The following SLFN13 variants were observed in gnomAD, a reference collection of about 807,000 sequenced individuals.
SLFN13 encodes the protein schlafen-13.
In SLFN13, 43 loss-of-function variants were observed where a neutral mutation model predicts 50.6. That is an observed-to-expected ratio of 0.85 (90% CI 0.67 to 1.09). SLFN13 has a LOEUF of 1.09. Ranked by LOEUF, SLFN13 falls within the 50% of genes least tolerant of loss-of-function variation. The probability of loss-of-function intolerance (pLI) is 0.00; values close to 1 mark genes in which losing one functional copy is unlikely to be tolerated. For synonymous variants in SLFN13, 339 were observed against 386.5 expected (o/e 0.88, Z 1.44); for missense variants, 881 against 1,071.1 (o/e 0.82, Z 2.48).
At chr17:35,445,838 G>T in intron 2 of SLFN13, 145 bp from the exon 3 acceptor site, 1 of 664,668 alleles carries the variant, frequency 1.5e-6, no homozygotes, top group Non-Finnish European at 2.4e-6. Context: ...CTCTTTAGGA[G>T]CTGACTGGCT....
At chr17:35,448,042 A>ATAT (rs11275064) in intron 1 of SLFN13, among the ~76,000 whole-genome samples, 8,708 of 146,732 alleles carry the variant, frequency 0.059, 614 homozygotes, top group East Asian at 0.36. Flanking sequence ...TATTAGTATT[A>ATAT]TATTATTATT....
At position 35,440,356 on chromosome 17, in the gene SLFN13, C is replaced by T. The variant is rs1430569211; in HGVS notation, c.*239G>A. On this transcript the variant is annotated 3_prime_UTR_variant, in exon 6 of 6. Coordinates refer to ENST00000285013, the MANE Select transcript of SLFN13 (RefSeq NM_144682.6). ...TAAAGTTCCTTTAGAAAACCACCAT[C>T]TTTCTGGCTGCAAGAGTCAGGGGTC... is the stretch of plus-strand genomic sequence containing the variant. 1.8e-5 allele frequency: 10 copies of T among 571,190 alleles called. No individual in the cohort carries two copies. The highest frequency in any genetic ancestry group is 3.7e-5 in the African/African-American group (2 of 53,498). 35.4% of individuals were successfully genotyped at this position (571,190 alleles called of 1,614,324 possible). A position where few individuals can be genotyped will look rare whatever the true frequency, so the allele number is the denominator to read the frequency against.
chr17:35,439,695 T>G lies in SLFN13; in HGVS notation c.*900A>C, dbSNP rs1912757609. The G allele has an allele frequency of 6.6e-6, 1 of 152,208 alleles. No homozygotes were observed. The highest frequency in any genetic ancestry group is 6.5e-5 in the Admixed American group (1 of 15,290). The allele number at this position is 152,208 out of a possible 1,614,324, so 9.4% of individuals were successfully genotyped here. On this transcript the variant is annotated 3_prime_UTR_variant, in exon 6 of 6. Coordinates refer to ENST00000285013, the MANE Select transcript of SLFN13 (RefSeq NM_144682.6). ...TTTCTCCATGTTGGCCAGGCTGGTCTTGAACTCCTGACCTCAGGTGATCCA... is the reference window on the plus strand; with the variant it reads ...TTTCTCCATGTTGGCCAGGCTGGTCGTGAACTCCTGACCTCAGGTGATCCA...
Position 35,435,688 on chromosome 17 carries a change from A to C in SLFN13, c.*4907T>G, listed in dbSNP as rs1346944090. ...TATGAATGGATGTTGAACTTTATCA[A>C]AAGCTTTTTCCTCTATTCAGATGAT... On this transcript the variant is annotated 3_prime_UTR_variant, in exon 6 of 6. Coordinates refer to ENST00000285013, the MANE Select transcript of SLFN13 (RefSeq NM_144682.6). The C allele has an allele frequency of 6.6e-6, 1 of 152,118 alleles. No individual in the cohort carries two copies. The highest frequency in any genetic ancestry group is 6.6e-5 in the Admixed American group (1 of 15,266). The allele number at this position is 152,118 out of a possible 1,614,324, so 9.4% of individuals were successfully genotyped here.
chr17:35,442,165 G>A lies in SLFN13; in HGVS notation c.1320C>T (p.Ile440=). ...QMRPFSQGIV[I]LSRSWAVDLN... Reference sequence around the variant, plus strand: ...GGTCCACAGCCCAGCTTCTAGAGAGGATCACAATTCCCTGGGAGAAAGGTC... The same window carrying A: ...GGTCCACAGCCCAGCTTCTAGAGAGAATCACAATTCCCTGGGAGAAAGGTC... The change falls in exon 5 of 6, where the codon ATC becomes ATT. Residue 440 remains isoleucine, a synonymous_variant. Coordinates refer to ENST00000285013, the MANE Select transcript of SLFN13 (RefSeq NM_144682.6). The A allele has an allele frequency of 3.7e-6, 6 of 1,614,198 alleles. No individual in the cohort carries two copies. The highest frequency in any genetic ancestry group is 4.5e-5 in the East Asian group (2 of 44,874).
At position 35,444,624 on chromosome 17, in the gene SLFN13, C is replaced by A. The variant is rs541429130; in HGVS notation, c.1057G>T (p.Ala353Ser). 52 of 1,613,406 alleles carry A rather than the reference C, an allele frequency of 3.2e-5. No individual in the cohort carries two copies. Among genetic ancestry groups the A allele is most frequent in the South Asian group, 1.5e-4 (14 of 91,036 alleles). Residue 353 changes from alanine to serine, a missense_variant, in exon 3 of 6, where the codon GCA becomes TCA. Ala to Ser is a moderately conservative substitution (Grantham distance 99). Around this residue, in one of 5 missense-constraint regions of SLFN13, gnomAD observed 497 missense variants for 518.3 expected, o/e 0.96. Transcript: ENST00000285013. ...TCTGGTTCCCTCTTACCTGGATCTG[C>A]GTCCATCATTTTCTCTACCCATTCC... Reference protein sequence around the residue: ...TEEWVEKMMDADPEFPPDFAE... With the variant: ...TEEWVEKMMDSDPEFPPDFAE...
chr17:35,448,552 G>A (rs1297483869), intron 1 of SLFN13, among the ~76,000 whole-genome samples, 170 bp downstream of exon 1: 1 of 152,308 alleles, frequency 6.6e-6, no homozygotes, highest in South Asian at 2.1e-4. Flanking sequence ...GGAGAAGCAC[G>A]CAAATACCCC....
chr17:35,442,132 C>A lies in SLFN13; in HGVS notation c.1353G>T (p.Leu451Phe), dbSNP rs1912943317. The change falls in exon 5 of 6, where the codon TTG (leucine) becomes TTT (phenylalanine). Residue 451 changes from leucine to phenylalanine, a missense_variant. Leu to Phe is a conservative substitution (Grantham distance 22). This residue lies in a region of SLFN13 where 15 missense variants were observed against 29.0 expected (regional missense o/e 0.52). Transcript: ENST00000285013. ...CACAGATGACTCCTGGCTTCTCCTG[C>A]AAGTTCAGGTCCACAGCCCAGCTTC... ...LSRSWAVDLN[L>F]QEKPGVICDA... 6.2e-7 allele frequency: 1 copy of A among 1,614,256 alleles called. No individual in the cohort carries two copies. Among genetic ancestry groups the A allele is most frequent in the Non-Finnish European group, 8.5e-7 (1 of 1,180,046 alleles).
chr17:35,446,958 G>C (rs761713150), intron 2 of SLFN13: 3 of 152,016 alleles, frequency 2.0e-5, no homozygotes, highest in Admixed American at 2.0e-4. Flanking sequence ...TTTGATATAT[G>C]GGGACTTCAA....
chr17:35,441,345 T>A lies in SLFN13; in HGVS notation c.1944A>T (p.Ala648=). Residue 648 remains alanine, a synonymous_variant, in exon 6 of 6, where the codon GCA becomes GCT. Transcript: ENST00000285013. ...CTCTTAGGAAAGTTTCCCGGGTCTC[T>A]GCTCGGCAGATATTTCTATCACTGT... ...NFISDRNICR[A]ETRETFLREK... is the part of the protein sequence containing the mutation. The A allele has an allele frequency of 1.9e-6, 3 of 1,606,224 alleles. No individual in the cohort carries two copies. The highest frequency in any genetic ancestry group is 2.5e-6 in the Non-Finnish European group (3 of 1,177,572).
chr17:35,448,042 A>ATATTATTATTAT (rs11275064), intron 1 of SLFN13, among the ~76,000 whole-genome samples: 18,376 of 146,674 alleles, frequency 0.13, 1,500 homozygotes, highest in South Asian at 0.37. Flanking sequence ...TATTAGTATT[A>ATATTATTATTAT]TATTATTATT....
chr17:35,443,502 T>C (rs544683578), intron 4 of SLFN13, among the ~76,000 whole-genome samples: 1 of 152,296 alleles, frequency 6.6e-6, no homozygotes, highest in Non-Finnish European at 1.5e-5. Context: ...CCCAAATGCA[T>C]ATGGCTAGGC....
rs1217024751 is a variant in SLFN13 at position 35,437,386 on chromosome 17, T to A, written c.*3209A>T. 1 of 149,052 alleles carries A rather than the reference T, an allele frequency of 6.7e-6. No homozygotes were observed. The allele number at this position is 149,052 out of a possible 1,614,324, so 9.2% of individuals were successfully genotyped here. On this transcript the variant is annotated 3_prime_UTR_variant, in exon 6 of 6. Transcript: ENST00000285013. The stretch of plus-strand genomic sequence containing the variant: ...TTTTGTTGTCTTCTCGAGGGGGGGG[T>A]CATGCTATGCTGCCCAGGCTGGCCT...
upstream of SLFN13, among the ~76,000 whole-genome samples, chr17:35,449,652 AGAG>A (rs1913401414): frequency 6.6e-6 from 1 of 152,154 alleles, no homozygotes; most frequent in Non-Finnish European, 1.5e-5. Context: ...AACGCCTTGG[AGAG>A]GAGGACTACG....
chr17:35,440,832 C>T lies in SLFN13; in HGVS notation c.2457G>A (p.Val819=), dbSNP rs1373809962. ...VAVLVSTVTE[V]EQYQSKLLKA... is the part of the protein sequence containing the mutation. ...TCAAGAGCTTAGACTGATACTGCTCCACTTCTGTCACGGTGCTGACAAGCA... is the reference window on the plus strand; with the variant it reads ...TCAAGAGCTTAGACTGATACTGCTCTACTTCTGTCACGGTGCTGACAAGCA... Residue 819 remains valine, a synonymous_variant, in exon 6 of 6, where the codon GTG becomes GTA. Transcript: ENST00000285013. 1 of 1,614,028 alleles carries T rather than the reference C, an allele frequency of 6.2e-7. No individual in the cohort carries two copies. Among genetic ancestry groups the T allele is most frequent in the Non-Finnish European group, 8.5e-7 (1 of 1,180,032 alleles).
Position 35,444,869 on chromosome 17 carries a change from T to C in SLFN13, c.812A>G (p.Asn271Ser). Residue 271 changes from asparagine to serine, a missense_variant, in exon 3 of 6, where the codon AAT (asparagine) becomes AGT (serine). By Grantham distance (46) the Asn-to-Ser change is conservative. Coordinates refer to ENST00000285013, the MANE Select transcript of SLFN13 (RefSeq NM_144682.6). Reference sequence around the variant, plus strand: ...CTTAGAAATTGCTCTTGCAATTACATTTTTCAAAGAGTCAGGGTCAACCTG... The same window carrying C: ...CTTAGAAATTGCTCTTGCAATTACACTTTTCAAAGAGTCAGGGTCAACCTG... ...KEQVDPDSLKNVIARAISKLP... is the reference protein window; with the variant it reads ...KEQVDPDSLKSVIARAISKLP... 1 of 1,614,232 alleles carries C rather than the reference T, an allele frequency of 6.2e-7. No individual in the cohort carries two copies. Among genetic ancestry groups the C allele is most frequent in the Non-Finnish European group, 8.5e-7 (1 of 1,180,046 alleles).
In SLFN13 at chr17:35,440,761, T is replaced by C; in HGVS notation, c.2528A>G (p.Asp843Gly). 6.2e-7 allele frequency: 1 copy of C among 1,613,990 alleles called. No individual in the cohort carries two copies. Among genetic ancestry groups the C allele is most frequent in the Non-Finnish European group, 8.5e-7 (1 of 1,179,998 alleles). The change falls in exon 6 of 6, where the codon GAT (aspartate) becomes GGT (glycine). Residue 843 changes from aspartate to glycine, a missense_variant. Physicochemically the swap from Asp to Gly is moderately conservative, Grantham distance 94. Around this residue, in one of 5 missense-constraint regions of SLFN13, gnomAD observed 322 missense variants for 327.4 expected, o/e 0.98. Transcript: ENST00000285013. ...CAACACAATGTGCACACCCAACATA[T>C]CACATGCATCACTGAGCTGCACCAC... ...KMVVQLSDACDMLGVHIVLDS... is the reference protein window; with the variant it reads ...KMVVQLSDACGMLGVHIVLDS...
rs549178964 is a variant in SLFN13 at position 35,440,361 on chromosome 17, T to C, written c.*234A>G. 191 of 576,254 alleles carry C rather than the reference T, an allele frequency of 3.3e-4. 1 individual carries two copies. In the African/African-American group the frequency reaches 3.3e-3, roughly 10 times the overall value. The allele number at this position is 576,254 out of a possible 1,614,324, so 35.7% of individuals were successfully genotyped here. On this transcript the variant is annotated 3_prime_UTR_variant, in exon 6 of 6. Transcript: ENST00000285013. Reference sequence around the variant, plus strand: ...TTCCTTTAGAAAACCACCATCTTTCTGGCTGCAAGAGTCAGGGGTCAGAAT... The same window carrying C: ...TTCCTTTAGAAAACCACCATCTTTCCGGCTGCAAGAGTCAGGGGTCAGAAT...
In SLFN13 at chr17:35,441,284, C is replaced by T. The variant is rs141832654; in HGVS notation, c.2005G>A (p.Glu669Lys). Residue 669 changes from glutamate (E) to lysine (K), a missense_variant, in exon 6 of 6, where the codon GAA (glutamate) becomes AAA (lysine). Transcript: ENST00000285013. ...TCTTCAGTACGGAAATTCTGAGCTT[C>T]GTCAATGACGATGTGTTGAATGTGT... Reference protein sequence around the residue: ...FEHIQHIVIDEAQNFRTEDGD... With the variant: ...FEHIQHIVIDKAQNFRTEDGD... The T allele has an allele frequency of 1.9e-5, 30 of 1,613,822 alleles. No individual in the cohort carries two copies. The highest frequency in any genetic ancestry group is 4.5e-5 in the East Asian group (2 of 44,896).
Sources: gnomAD v4.1 joint callset for allele counts (sites outside exome capture counted in the v4.1 genomes callset) on GRCh38, gnomAD v4.1.1 for gene constraint, gnomAD v4.1.1 regional missense constraint, MANE v1.5 for transcripts, NCBI Gene and HGNC (gene_info 2026-07-23, HGNC 2026-07-21) for gene names.